Variants in SDHAF3 observed in about 807,000 individuals in gnomAD.
SDHAF3 encodes succinate dehydrogenase assembly factor 3, mitochondrial.
SDHAF3 carries 18 observed loss-of-function variants against 11.5 expected under a neutral mutation model. The ratio of observed to expected loss-of-function variants is 1.56; its 90% CI spans 1.08 to 2.32. The LOEUF is 2.32. SDHAF3 is among the 30% of genes most tolerant of loss of function. The probability of loss-of-function intolerance (pLI) is 0.00; values close to 1 mark genes in which losing one functional copy is unlikely to be tolerated. For synonymous variants in SDHAF3, 72 were observed against 59.3 expected, an observed-to-expected ratio of 1.21 and a Z score of -0.99; for missense variants, 200 against 154.4, an observed-to-expected ratio of 1.30 and a Z score of -1.57.
chr7:97,142,361 A>T (rs1383641759), intron 1 of SDHAF3, among the ~76,000 whole-genome samples: 1 of 152,060 alleles, frequency 6.6e-6, no homozygotes, highest in Admixed American at 6.6e-5. Context: ...CCTGAATTGT[A>T]GTGTTTATAA....
Position 97,181,026 on chromosome 7 carries a change from G to A in SDHAF3, c.189G>A (p.Ala63=), listed in dbSNP as rs968398165. The part of the protein sequence containing the change: ...FLQEWEVYAT[A]LLQQANENRQ... ...TATCTTTTTAGGTGTATGCAACAGC[G>A]TTATTGCAACAGGCTAACGAAAACA... is the stretch of plus-strand genomic sequence containing the variant. The change falls in exon 2 of 2, where the codon GCG becomes GCA. Residue 63 remains alanine (A), a synonymous_variant. Coordinates refer to ENST00000432641, the MANE Select transcript of SDHAF3 (RefSeq NM_020186.3). The A allele has an allele frequency of 4.3e-6, 7 of 1,613,550 alleles. No homozygotes were observed. The highest frequency in any genetic ancestry group is 2.7e-5 in the African/African-American group (2 of 74,874).
In SDHAF3 at chr7:97,143,665, C is replaced by CTGTGTGTGTG. The variant is rs3029495; in HGVS notation, c.174+25794_174+25803dup. 5.9e-3 allele frequency among the ~76,000 whole-genome samples: 880 copies of CTGTGTGTGTG among 148,042 alleles called. 8 individuals are homozygous for CTGTGTGTGTG. Among genetic ancestry groups the CTGTGTGTGTG allele is most frequent in the African/African-American group, 0.021 (822 of 39,858 alleles). ...CTTTTTAGGGCTGAGTAGTGTTCCA[C>CTGTGTGTGTG]TGTGTGTGTGTGTGTGTGTGTGTGT... On this transcript the variant is annotated intron_variant, in intron 1 of 1. Transcript: ENST00000432641.
chr7:97,173,544 G>T (rs944872334), intron 1 of SDHAF3, among the ~76,000 whole-genome samples: 57 of 108,262 alleles, frequency 5.3e-4, no homozygotes, highest in African/African-American at 2.0e-3. Flanking sequence ...TCCAAAATTA[G>T]AATTTTTTTT....
intron 1 of SDHAF3, among the ~76,000 whole-genome samples, chr7:97,170,960 T>A (rs1401008171): frequency 6.6e-6 from 1 of 152,196 alleles, no homozygotes. Flanking sequence ...CTCGTCAGAA[T>A]GAGCCCAAGA....
At chr7:97,123,934 C>T (rs1791537112) in intron 1 of SDHAF3, among the ~76,000 whole-genome samples, 3 of 151,786 alleles carry the variant, frequency 2.0e-5, no homozygotes, top group African/African-American at 7.3e-5. Context: ...AAATTTTCTC[C>T]CGTTCTGTAG....
chr7:97,173,411 C>G (rs1003979549), intron 1 of SDHAF3, among the ~76,000 whole-genome samples: 2 of 152,086 alleles, frequency 1.3e-5, no homozygotes, highest in African/African-American at 2.4e-5. Context: ...CATGGCCAAT[C>G]AGGTTTCATC....
intron 1 of SDHAF3, among the ~76,000 whole-genome samples, chr7:97,172,696 A>G (rs1789619886): frequency 6.6e-6 from 1 of 152,238 alleles, no homozygotes; most frequent in Non-Finnish European, 1.5e-5. Context: ...AAGGTTCACC[A>G]GCTATGTGCT....
chr7:97,138,889 G>T (rs187354286), intron 1 of SDHAF3, among the ~76,000 whole-genome samples: 2 of 152,152 alleles, frequency 1.3e-5, no homozygotes, highest in African/African-American at 4.8e-5. Flanking sequence ...TGCAGGAGGC[G>T]CCTACCCACT....
At chr7:97,158,234 G>A (rs1562827939) in intron 1 of SDHAF3, among the ~76,000 whole-genome samples, 1 of 151,964 alleles carries the variant, frequency 6.6e-6, no homozygotes, top group Non-Finnish European at 1.5e-5. Flanking sequence ...ACATTTCCAC[G>A]AATATAGAAT....
chr7:97,117,949 C>T (rs1791433542), intron 1 of SDHAF3, 52 bp downstream of exon 1: 3 of 1,591,042 alleles, frequency 1.9e-6, no homozygotes, highest in African/African-American at 1.3e-5. Flanking sequence ...TCCTCGGTGT[C>T]CAGGTTTCTA....
intron 1 of SDHAF3, among the ~76,000 whole-genome samples, chr7:97,175,680 C>G (rs930138161): frequency 1.9e-4 from 29 of 152,168 alleles, no homozygotes; most frequent in Non-Finnish European, 3.7e-4. Flanking sequence ...GAAGGCATAG[C>G]TGGCCTTATA....
At chr7:97,131,532 C>A (rs1162384751) in intron 1 of SDHAF3, among the ~76,000 whole-genome samples, 2 of 151,980 alleles carry the variant, frequency 1.3e-5, no homozygotes, top group African/African-American at 4.8e-5. Context: ...TTTCTTTGGG[C>A]CTTAGTTGTC....
intron 1 of SDHAF3, among the ~76,000 whole-genome samples, chr7:97,147,999 G>T (rs1197676452): frequency 6.6e-6 from 1 of 151,954 alleles, no homozygotes. Context: ...TCACTCCCAG[G>T]TTCAAGCAAT....
intron 1 of SDHAF3, among the ~76,000 whole-genome samples, chr7:97,125,358 C>T (rs575734289): frequency 9.8e-4 from 149 of 152,250 alleles, no homozygotes; most frequent in Middle Eastern, 3.4e-3. Flanking sequence ...CTGATGTGGG[C>T]ATTTAGTGCT....
At chr7:97,167,967 A>C (rs930990871) in intron 1 of SDHAF3, among the ~76,000 whole-genome samples, 1 of 152,202 alleles carries the variant, frequency 6.6e-6, no homozygotes, top group Non-Finnish European at 1.5e-5. Flanking sequence ...TTGCCTGGGC[A>C]TGCCCACAGT....
intron 1 of SDHAF3, among the ~76,000 whole-genome samples, chr7:97,137,128 A>G (rs1349416263): frequency 6.6e-6 from 1 of 152,122 alleles, no homozygotes; most frequent in Non-Finnish European, 1.5e-5. Flanking sequence ...AGCTGAGAAC[A>G]TTGGGAACTT....
intron 1 of SDHAF3, among the ~76,000 whole-genome samples, chr7:97,146,143 A>G (rs1584220206): frequency 6.6e-6 from 1 of 151,918 alleles, no homozygotes; most frequent in East Asian, 1.9e-4. Context: ...GCTAGATGAC[A>G]GATAATTTAG....
chr7:97,165,873 C>G (rs1789496733), intron 1 of SDHAF3, among the ~76,000 whole-genome samples: 1 of 152,062 alleles, frequency 6.6e-6, no homozygotes, highest in Non-Finnish European at 1.5e-5. Flanking sequence ...CCTGGTATTG[C>G]TAGACAGTGA....
intron 1 of SDHAF3, among the ~76,000 whole-genome samples, chr7:97,152,733 C>G (rs1789244304): frequency 6.6e-6 from 1 of 152,098 alleles, no homozygotes; most frequent in Admixed American, 6.5e-5. Context: ...CACTGCAACC[C>G]CTGCCTCCCA....
Sources: allele counts gnomAD v4.1 joint callset (sites outside exome capture counted in the v4.1 genomes callset), GRCh38; gene constraint gnomAD v4.1.1; transcripts MANE v1.5; gene names NCBI Gene and HGNC (gene_info 2026-07-23, HGNC 2026-07-21).